Variants in WWC1 observed in about 807,000 individuals in gnomAD.
WWC1 encodes protein KIBRA.
In WWC1, 55 loss-of-function variants were observed where a neutral mutation model predicts 138.4. That is an observed-to-expected ratio of 0.40 (90% CI 0.32 to 0.50). The LOEUF (loss-of-function observed/expected upper bound fraction) is 0.50, where lower values mean the gene tolerates loss of function less well. Ranked by LOEUF, WWC1 falls within the 20% of genes least tolerant of loss-of-function variation. The pLI, the probability that WWC1 is intolerant of heterozygous loss-of-function variation, is 0.72. For missense variants in WWC1, 1,226 were observed against 1,420.4 expected, an observed-to-expected ratio of 0.86 and a Z score of 2.20; for synonymous variants, 524 against 564.9, an observed-to-expected ratio of 0.93 and a Z score of 1.03.
intron 20 of WWC1, among the ~76,000 whole-genome samples, chr5:168,461,747 C>A (rs917757953): frequency 6.6e-6 from 1 of 152,092 alleles, no homozygotes; most frequent in African/African-American, 2.4e-5. Context: ...CCAGAAGAAA[C>A]CAGGAGCCAG....
intron 7 of WWC1, among the ~76,000 whole-genome samples, 173 bp from the exon 8 acceptor site, chr5:168,409,749 A>G (rs1780082112): frequency 6.6e-6 from 1 of 152,170 alleles, no homozygotes; most frequent in East Asian, 1.9e-4. Context: ...TGAAGGGAGG[A>G]AAGTGTTTTT....
chr5:168,443,435 T>C (rs1439296885), intron 16 of WWC1, among the ~76,000 whole-genome samples: 1 of 152,168 alleles, frequency 6.6e-6, no homozygotes, highest in Non-Finnish European at 1.5e-5. Flanking sequence ...CAAATTACAT[T>C]AAGATGTACA....
intron 2 of WWC1, among the ~76,000 whole-genome samples, chr5:168,383,408 C>T (rs938827937): frequency 1.3e-5 from 2 of 152,070 alleles, no homozygotes; most frequent in Admixed American, 6.6e-5. Context: ...TGTAACACAG[C>T]GATTATTGGC....
chr5:168,367,858 A>C (rs1776432692), intron 1 of WWC1, among the ~76,000 whole-genome samples: 2 of 152,088 alleles, frequency 1.3e-5, no homozygotes, highest in African/African-American at 4.8e-5. Flanking sequence ...CAACAAATAA[A>C]TTAATAAAAA....
At chr5:168,403,003 T>TCC (rs1259666306) in intron 5 of WWC1, among the ~76,000 whole-genome samples, 18 of 140,344 alleles carry the variant, frequency 1.3e-4, no homozygotes, top group African/African-American at 4.4e-4. Context: ...CTCTGTTGTT[T>TCC]CTTTTTCTTT....
intron 1 of WWC1, among the ~76,000 whole-genome samples, chr5:168,344,065 T>C (rs1774269564): frequency 6.6e-6 from 1 of 152,210 alleles, no homozygotes; most frequent in Non-Finnish European, 1.5e-5. Context: ...TTGCAAGGCC[T>C]ATCCATTCTG....
chr5:168,366,949 C>T lies in WWC1; in HGVS notation c.120-4475C>T, dbSNP rs574601946. 3.3e-5 allele frequency among the ~76,000 whole-genome samples: 5 copies of T among 151,756 alleles called. No individual in the cohort carries two copies. In the South Asian group the frequency reaches 8.4e-4, roughly 25 times the overall value. On this transcript the variant is annotated intron_variant, in intron 1 of 22. Transcript: ENST00000265293. ...AGTAGCTGGGATTACAAGTGCCTGCCACCATGCCCAGCTAATTTTTGTATT... is the reference window on the plus strand; with the variant it reads ...AGTAGCTGGGATTACAAGTGCCTGCTACCATGCCCAGCTAATTTTTGTATT...
intron 1 of WWC1, among the ~76,000 whole-genome samples, chr5:168,334,054 GAAAAAAAA>G (rs70976475): frequency 4.5e-5 from 2 of 44,496 alleles, no homozygotes; most frequent in African/African-American, 8.3e-5. Flanking sequence ...CATCCCTACT[GAAAAAAAA>G]AAAAAAAAAA....
In WWC1 at chr5:168,471,505, C is replaced by G. The variant is rs244892; in HGVS notation, c.*2488C>G. 0.23 allele frequency: 35,472 copies of G among 152,302 alleles called. 5,080 individuals are homozygous for G. The highest frequency in any genetic ancestry group is 0.41 in the African/African-American group (17,028 of 41,514). The allele number at this position is 152,302 out of a possible 1,614,324, so 9.4% of individuals were successfully genotyped here. A position where few individuals can be genotyped will look rare whatever the true frequency, so the allele number is the denominator to read the frequency against. ...GCTCTGTGGCACCTGTGCCTACACT[C>G]CTCTGAGCTTTGAGGAGGCTGCTCT... On this transcript the variant is annotated 3_prime_UTR_variant, in exon 23 of 23. Coordinates refer to ENST00000265293, the MANE Select transcript of WWC1 (RefSeq NM_015238.3).
chr5:168,392,693 A>G lies in WWC1; in HGVS notation c.434-5031A>G, dbSNP rs141960351. 1.4e-4 allele frequency among the ~76,000 whole-genome samples: 22 copies of G among 152,348 alleles called. 1 individual carries two copies. The East Asian group carries it at 4.2e-3, about 29-fold the overall frequency. On this transcript the variant is annotated intron_variant, in intron 3 of 22. Coordinates refer to ENST00000265293, the MANE Select transcript of WWC1 (RefSeq NM_015238.3). ...TGGGCAACAGACACCTGTCTCTTAA[A>G]TAATAAAATAAATTTTAAAGATAGA...
chr5:168,364,174 G>T (rs533840523), intron 1 of WWC1, among the ~76,000 whole-genome samples: 155 of 152,146 alleles, frequency 1.0e-3, no homozygotes, highest in African/African-American at 3.4e-3. Flanking sequence ...TCTCAAGCAG[G>T]TTACATAACC....
chr5:168,312,031 G>A (rs1214360177), intron 1 of WWC1, among the ~76,000 whole-genome samples: 10 of 151,078 alleles, frequency 6.6e-5, no homozygotes, highest in Non-Finnish European at 1.3e-4. Flanking sequence ...CCTGGGTGAC[G>A]GAGCAAGACT....
chr5:168,346,054 T>C (rs2152782647), intron 1 of WWC1, among the ~76,000 whole-genome samples: 1 of 152,196 alleles, frequency 6.6e-6, no homozygotes, highest in South Asian at 2.1e-4. Flanking sequence ...TGGCCCCATT[T>C]CATAACAGAA....
At chr5:168,434,398 C>T (rs766522930) in intron 15 of WWC1, among the ~76,000 whole-genome samples, 5 of 152,132 alleles carry the variant, frequency 3.3e-5, no homozygotes, top group South Asian at 2.1e-4. Context: ...GCAGAGACTC[C>T]GGACAGCAGG....
intron 1 of WWC1, among the ~76,000 whole-genome samples, chr5:168,363,706 G>A (rs1483045119): frequency 6.6e-6 from 1 of 152,036 alleles, no homozygotes; most frequent in Non-Finnish European, 1.5e-5. Flanking sequence ...AATGTAGATT[G>A]AACCCTGAAT....
chr5:168,376,349 T>G (rs1339284902), intron 2 of WWC1, among the ~76,000 whole-genome samples: 1 of 152,212 alleles, frequency 6.6e-6, no homozygotes, highest in African/African-American at 2.4e-5. Context: ...CTGCTGTGCC[T>G]GGCCCATATT....
intron 11 of WWC1, among the ~76,000 whole-genome samples, chr5:168,427,311 C>T (rs1046351827): frequency 2.0e-5 from 3 of 152,160 alleles, no homozygotes; most frequent in African/African-American, 7.2e-5. Context: ...ATATTAAGGA[C>T]TTCCCTTATA....
intron 1 of WWC1, among the ~76,000 whole-genome samples, chr5:168,339,950 C>G (rs538861647): frequency 9.2e-6 from 1 of 108,788 alleles, no homozygotes; most frequent in Admixed American, 1.1e-4. Context: ...TCTCTCTCCC[C>G]CTCTCCCTCT....
intron 15 of WWC1, among the ~76,000 whole-genome samples, chr5:168,433,066 T>C (rs1363017132): frequency 6.6e-6 from 1 of 152,258 alleles, no homozygotes; most frequent in Non-Finnish European, 1.5e-5. Context: ...CCTGGGGCTG[T>C]CACCAGCCTT....
Sources: allele counts gnomAD v4.1 joint callset (sites outside exome capture counted in the v4.1 genomes callset), GRCh38; gene constraint gnomAD v4.1.1; transcripts MANE v1.5; gene names NCBI Gene and HGNC (gene_info 2026-07-23, HGNC 2026-07-21).